The following ADCY10 variants were observed in gnomAD, a reference collection of about 807,000 sequenced individuals.
The protein encoded by ADCY10 is adenylate cyclase type 10.
Under a neutral mutation model 183.3 loss-of-function variants are expected in ADCY10, and 156 were observed. The observed-to-expected ratio is 0.85, with a 90% CI of 0.75 to 0.97. The LOEUF is 0.97. Ranked by LOEUF, ADCY10 falls within the 50% of genes least tolerant of loss-of-function variation. The pLI, the probability that ADCY10 is intolerant of heterozygous loss-of-function variation, is 0.00. For missense variants in ADCY10, 1,745 were observed against 1,934.3 expected (o/e 0.90, Z 1.84); for synonymous variants, 645 against 670.0 (o/e 0.96, Z 0.58).
Position 167,884,118 on chromosome 1 carries a change from T to A in ADCY10, c.829-490A>T, listed in dbSNP as rs141237488. Among the ~76,000 whole-genome samples the A allele has an allele frequency of 4.1e-3, 622 of 152,334 alleles. 1 individual carries two copies. Among genetic ancestry groups the A allele is most frequent in the African/African-American group, 0.014 (587 of 41,560 alleles). ...TGTGTTACAAACAATCCAATTATAC[T>A]CTTTTAGTTATTTTTAAAATGTATG... On this transcript the variant is annotated intron_variant, in intron 8 of 32. Coordinates refer to ENST00000367851, the MANE Select transcript of ADCY10 (RefSeq NM_018417.6).
At chr1:167,913,718 G>A (rs1321508372) in intron 1 of ADCY10, among the ~76,000 whole-genome samples, 1 of 150,822 alleles carries the variant, frequency 6.6e-6, no homozygotes, top group Non-Finnish European at 1.5e-5. Context: ...TATCACGTGA[G>A]AAACTGCAGA....
intron 20 of ADCY10, 56 bp downstream of exon 20, chr1:167,845,929 T>A (rs2269678): frequency 6.2e-7 from 1 of 1,613,764 alleles, no homozygotes; most frequent in Non-Finnish European, 8.5e-7. Context: ...ATAGGTCAAT[T>A]CTTTGATCTA....
At chr1:167,858,516 AAAAAAAG>A (rs1666065925) in intron 16 of ADCY10, among the ~76,000 whole-genome samples, 1 of 151,228 alleles carries the variant, frequency 6.6e-6, no homozygotes, top group Non-Finnish European at 1.5e-5. Flanking sequence ...AAAAAAAAAA[AAAAAAAG>A]AGGCTCACGA....
intron 22 of ADCY10, among the ~76,000 whole-genome samples, chr1:167,836,902 G>A (rs559619199): frequency 1.3e-5 from 2 of 152,316 alleles, no homozygotes; most frequent in South Asian, 2.1e-4. Flanking sequence ...GCAGGCGCCT[G>A]TAGTCCCAGT....
Position 167,903,932 on chromosome 1 carries a change from G to A in ADCY10, c.208C>T (p.Gln70Ter), listed in dbSNP as rs544299485. The A allele has an allele frequency of 6.2e-7, 1 of 1,613,920 alleles. No homozygotes were observed. Among genetic ancestry groups the A allele is most frequent in the Non-Finnish European group, 8.5e-7 (1 of 1,179,842 alleles). Residue 70 changes from glutamine to a stop codon, truncating the protein, a stop_gained, in exon 3 of 33, where the codon CAG (glutamine) becomes TAG (stop). Coordinates refer to ENST00000367851, the MANE Select transcript of ADCY10 (RefSeq NM_018417.6). LOFTEE classifies it high-confidence loss of function. ...SAMYMDRGAE[Q>*]LVEILNYHIS... ...TGGTAGTTGAGGATCTCCACCAACT[G>A]CTCAGCCCCTCTGTCCATGTACATG...
chr1:167,832,447 ATATT>A (rs148355448), intron 25 of ADCY10, among the ~76,000 whole-genome samples: 4,859 of 152,238 alleles, frequency 0.032, 147 homozygotes, highest in East Asian at 0.15. Flanking sequence ...GAATTTATAT[ATATT>A]GAAATGCCCA....
At chr1:167,895,653 G>A (rs1324661473) in intron 7 of ADCY10, among the ~76,000 whole-genome samples, 1 of 152,134 alleles carries the variant, frequency 6.6e-6, no homozygotes, top group Non-Finnish European at 1.5e-5. Flanking sequence ...ACAAAAATCT[G>A]TCCTAGAATT....
At chr1:167,811,541 C>T (rs1480716393) in intron 31 of ADCY10, among the ~76,000 whole-genome samples, 1 of 152,138 alleles carries the variant, frequency 6.6e-6, no homozygotes, top group East Asian at 1.9e-4. Context: ...GAGCCGAGAT[C>T]GTGCCACTGC....
chr1:167,826,019 G>A (rs147271272), intron 26 of ADCY10, among the ~76,000 whole-genome samples: 1 of 152,342 alleles, frequency 6.6e-6, no homozygotes, highest in African/African-American at 2.4e-5. Context: ...AGTGGTGGGA[G>A]TATTGGGGTC....
chr1:167,866,458 G>A (rs533145581), intron 14 of ADCY10, among the ~76,000 whole-genome samples: 2 of 146,418 alleles, frequency 1.4e-5, no homozygotes, highest in African/African-American at 2.5e-5. Flanking sequence ...CTTTTCATGA[G>A]TTGAAAGAAA....
intron 5 of ADCY10, 118 bp from the exon 6 acceptor site, chr1:167,899,746 A>C: frequency 3.5e-5 from 32 of 904,406 alleles, no homozygotes; most frequent in Non-Finnish European, 5.4e-5. Context: ...GCAAAATCTC[A>C]CTTCTAAAAC....
chr1:167,876,657 A>C (rs1007271936), intron 12 of ADCY10, among the ~76,000 whole-genome samples: 1 of 152,230 alleles, frequency 6.6e-6, no homozygotes, highest in Non-Finnish European at 1.5e-5. Flanking sequence ...CAGAAAAATC[A>C]TGAAGAGTAC....
At chr1:167,885,804 C>G (rs1471515538) in intron 8 of ADCY10, among the ~76,000 whole-genome samples, 1 of 151,926 alleles carries the variant, frequency 6.6e-6, no homozygotes, top group African/African-American at 2.4e-5. Flanking sequence ...TTAGTAGAGA[C>G]GGGGTTTCAC....
rs1669440128 is a variant in ADCY10, at chr1:167,901,744, CA to C, written c.353del (p.Val118GlyfsTer2). Reference protein sequence around the residue: ...ERKQLKNIITVVIKCSLEIHG... With the variant: ...ERKQLKNIITXVIKCSLEIHG... ...GGATCTCCAGGCTACATTTAATTACCACTGTGATAATGTTTTTCAGCTGCTT... is the reference window on the plus strand; with the variant it reads ...GGATCTCCAGGCTACATTTAATTACCCTGTGATAATGTTTTTCAGCTGCTT... On this transcript the variant is annotated frameshift_variant, in exon 5 of 33. Coordinates refer to ENST00000367851, the MANE Select transcript of ADCY10 (RefSeq NM_018417.6). LOFTEE classifies it high-confidence loss of function. 6.2e-7 allele frequency: 1 copy of C among 1,614,062 alleles called. No homozygotes were observed. Among genetic ancestry groups the C allele is most frequent in the Non-Finnish European group, 8.5e-7 (1 of 1,180,034 alleles).
intron 11 of ADCY10, among the ~76,000 whole-genome samples, chr1:167,879,094 C>T (rs1016331927): frequency 6.6e-6 from 1 of 152,186 alleles, no homozygotes; most frequent in Non-Finnish European, 1.5e-5. Flanking sequence ...AGTAAATGGG[C>T]TAGAAGAGGC....
chr1:167,870,163 A>T, intron 14 of ADCY10, 94 bp downstream of exon 14: 4 of 1,401,046 alleles, frequency 2.9e-6, no homozygotes, highest in Admixed American at 3.4e-5. Context: ...GGTTATAGAT[A>T]ATTTACATAA....
chr1:167,847,608 C>T (rs987339968), intron 19 of ADCY10, among the ~76,000 whole-genome samples: 2 of 151,816 alleles, frequency 1.3e-5, no homozygotes, highest in African/African-American at 2.4e-5. Context: ...TTAGTAGAGA[C>T]GGGGTTTCTC....
chr1:167,821,323 G>A (rs2101856527), intron 30 of ADCY10: 1 of 153,168 alleles, frequency 6.5e-6, no homozygotes, highest in Non-Finnish European at 1.5e-5. Flanking sequence ...TTCCTTCCAT[G>A]TAAGGGGCCT....
At chr1:167,899,325 A>C in intron 6 of ADCY10, 98 bp downstream of exon 6, 4 of 1,221,954 alleles carry the variant, frequency 3.3e-6, no homozygotes, top group Non-Finnish European at 4.8e-6. Flanking sequence ...TCTCCAGCCC[A>C]GGAGCTTTAT....
Sources: allele counts gnomAD v4.1 joint callset (sites outside exome capture counted in the v4.1 genomes callset), GRCh38; gene constraint gnomAD v4.1.1; transcripts MANE v1.5; gene names NCBI Gene and HGNC (gene_info 2026-07-23, HGNC 2026-07-21).